PAK3: variants seen among roughly 807,000 people sequenced by gnomAD.
PAK3 encodes p21 (RAC1) activated kinase 3, also known as serine/threonine-protein kinase PAK 3.
In PAK3, 4 loss-of-function variants were observed where a neutral mutation model predicts 41.0. That is an observed-to-expected ratio of 0.10 (90% CI 0.05 to 0.22). The LOEUF is 0.22. PAK3 is among the 10% of genes least tolerant of loss of function. The pLI, the probability that PAK3 is intolerant of heterozygous loss-of-function variation, is 1.00. For synonymous variants in PAK3, 146 were observed against 139.6 expected (o/e 1.05, Z -0.32); for missense variants, 205 against 409.9 (o/e 0.50, Z 4.32).
intron 1 of PAK3, among the ~76,000 whole-genome samples, chrX:110,995,118 GCA>G (rs1334459994): frequency 9.0e-6 from 1 of 110,949 alleles, no homozygotes; most frequent in Non-Finnish European, 1.9e-5. Flanking sequence ...TCCTTCAAAA[GCA>G]CAGTGTTTGT....
chrX:110,970,498 C>G (rs1420769408), intron 1 of PAK3, among the ~76,000 whole-genome samples: 1 of 111,232 alleles, frequency 9.0e-6, no homozygotes, highest in Non-Finnish European at 1.9e-5. Context: ...AACAGAGAAA[C>G]AGAAAACCAA....
intron 1 of PAK3, among the ~76,000 whole-genome samples, chrX:110,990,875 C>T (rs2091630578): frequency 9.0e-6 from 1 of 110,563 alleles, no homozygotes. Flanking sequence ...TGCCTGTAAT[C>T]CCAGCAATTT....
At chrX:110,988,493 G>A (rs2091587080) in intron 1 of PAK3, among the ~76,000 whole-genome samples, 1 of 112,048 alleles carries the variant, frequency 8.9e-6, no homozygotes, top group South Asian at 3.7e-4. Flanking sequence ...TCGTTTGTGT[G>A]TATGTGTATA....
chrX:111,143,097 G>A (rs908145448), intron 6 of PAK3, among the ~76,000 whole-genome samples: 10 of 110,600 alleles, frequency 9.0e-5, no homozygotes, highest in Non-Finnish European at 1.3e-4. Context: ...CCATCAAAAT[G>A]TACATTCTGA....
intron 1 of PAK3, among the ~76,000 whole-genome samples, chrX:111,082,580 T>C (rs922392129): frequency 9.0e-6 from 1 of 111,173 alleles, no homozygotes; most frequent in African/African-American, 3.3e-5. Flanking sequence ...TTGGGCTTAG[T>C]TGCTCCATTT....
chrX:111,061,282 A>T (rs1326127374), intron 1 of PAK3, among the ~76,000 whole-genome samples: 2 of 111,967 alleles, frequency 1.8e-5, no homozygotes, highest in African/African-American at 6.5e-5. Flanking sequence ...TTGACTTGAG[A>T]TGTCACTTTT....
At chrX:111,181,881 G>A (rs1326032148) in intron 11 of PAK3, among the ~76,000 whole-genome samples, 3 of 111,022 alleles carry the variant, frequency 2.7e-5, no homozygotes, top group Non-Finnish European at 3.8e-5. Flanking sequence ...AAGGTAGAAC[G>A]CTGCTATGAA....
At chrX:111,216,985 T>C in intron 17 of PAK3, 3 of 751,399 alleles carry the variant, frequency 4.0e-6, no homozygotes, top group Non-Finnish European at 4.7e-6. Flanking sequence ...TTGCTTGTGA[T>C]GCCAATTGGC....
At chrX:110,972,844 A>T (rs1275694889) in intron 1 of PAK3, among the ~76,000 whole-genome samples, 2 of 111,568 alleles carry the variant, frequency 1.8e-5, no homozygotes, top group Admixed American at 9.5e-5. Context: ...GCTAACTAGA[A>T]TAAACAGTGT....
intron 1 of PAK3, among the ~76,000 whole-genome samples, chrX:110,980,588 A>T (rs1602634843): frequency 9.0e-6 from 1 of 111,728 alleles, no homozygotes. Context: ...AACTCATAAA[A>T]GGCAGATGGA....
chrX:111,160,801 A>T (rs1292781347), intron 8 of PAK3, among the ~76,000 whole-genome samples: 1 of 111,235 alleles, frequency 9.0e-6, no homozygotes, highest in Non-Finnish European at 1.9e-5. Flanking sequence ...TGAACTCATC[A>T]TTTTTTGTGG....
chrX:110,969,867 T>C (rs2091169363), intron 1 of PAK3, among the ~76,000 whole-genome samples: 1 of 112,203 alleles, frequency 8.9e-6, no homozygotes, highest in Admixed American at 9.4e-5. Context: ...TAGCCAAAAA[T>C]CTTGCTGGGA....
chrX:110,997,801 G>C (rs2091767072), intron 1 of PAK3, among the ~76,000 whole-genome samples: 1 of 110,914 alleles, frequency 9.0e-6, no homozygotes, highest in South Asian at 3.8e-4. Context: ...AGGTGATTAG[G>C]TCATCACGGA....
intron 1 of PAK3, among the ~76,000 whole-genome samples, chrX:110,958,676 A>G (rs1438031191): frequency 8.9e-6 from 1 of 111,940 alleles, no homozygotes; most frequent in East Asian, 2.8e-4. Flanking sequence ...ATCCTGTGCC[A>G]TATTCAGTCT....
rs2093811930 is a variant in PAK3 at position 111,137,789 on chromosome X, T to C, written c.176-4307T>C. Among the ~76,000 whole-genome samples the C allele has an allele frequency of 2.7e-5, 3 of 111,450 alleles. No individual in the cohort carries two copies. In the South Asian group the frequency reaches 1.1e-3, roughly 43 times the overall value. ...TGCAGTTTGTGGTCCAGGCAGCAAT[T>C]TGTAGCCTTGTTCTGAGTTCCAATA... On this transcript the variant is annotated intron_variant, in intron 5 of 17. Transcript: ENST00000372007.
intron 16 of PAK3, among the ~76,000 whole-genome samples, chrX:111,214,026 T>C (rs1261824720): frequency 9.0e-6 from 1 of 111,110 alleles, no homozygotes; most frequent in African/African-American, 3.3e-5. Context: ...GTATTGAAAA[T>C]TACAAAGGAA....
intron 1 of PAK3, among the ~76,000 whole-genome samples, chrX:110,954,083 C>T (rs1467806841): frequency 9.0e-6 from 1 of 111,441 alleles, no homozygotes; most frequent in African/African-American, 3.3e-5. Context: ...TTATTTCCTT[C>T]AGCCATAGGC....
rs2092618625 is a variant in PAK3, at chrX:111,057,842, C to G, written c.-27-65235C>G. Among the ~76,000 whole-genome samples the G allele has an allele frequency of 2.7e-5, 3 of 111,816 alleles. No homozygotes were observed. In the South Asian group the frequency reaches 1.1e-3, roughly 42 times the overall value. The stretch of plus-strand genomic sequence containing the variant: ...ATTAGCAGTCACTCCCCGCTCTCCC[C>G]TACTCCTGGTCACCAGCAACCACTA... On this transcript the variant is annotated intron_variant, in intron 1 of 14. Coordinates refer to the PAK3 transcript ENST00000425146.
intron 7 of PAK3, among the ~76,000 whole-genome samples, chrX:111,149,580 C>T (rs2093997942): frequency 8.9e-6 from 1 of 112,440 alleles, no homozygotes; most frequent in Non-Finnish European, 1.9e-5. Context: ...CGTGCACATG[C>T]AGGCTCAACA....
Sources: allele counts gnomAD v4.1 joint callset (sites outside exome capture counted in the v4.1 genomes callset), GRCh38; gene constraint gnomAD v4.1.1; transcripts MANE v1.5; gene names NCBI Gene and HGNC (gene_info 2026-07-23, HGNC 2026-07-21).